The following BTF3L4 variants were observed in gnomAD, a reference collection of about 807,000 sequenced individuals.
BTF3L4 encodes basic transcription factor 3 like 4, also known as transcription factor BTF3 homolog 4.
BTF3L4 carries 6 observed loss-of-function variants against 16.8 expected under a neutral mutation model. That is an observed-to-expected ratio of 0.36 (90% CI 0.20 to 0.71). The LOEUF (loss-of-function observed/expected upper bound fraction) is 0.71, where lower values mean the gene tolerates loss of function less well. BTF3L4 is among the 30% of genes least tolerant of loss of function. BTF3L4 has a pLI of 0.58. For synonymous variants in BTF3L4, 39 were observed against 59.8 expected (o/e 0.65, Z 1.60); for missense variants, 92 against 186.9 (o/e 0.49, Z 2.96).
intron 3 of BTF3L4, among the ~76,000 whole-genome samples, chr1:52,075,477 G>C (rs1334960023): frequency 7.6e-5 from 11 of 145,608 alleles, no homozygotes; most frequent in African/African-American, 2.5e-4. Context: ...GGCCGAGATC[G>C]CACCACTACA....
chr1:52,073,187 G>A (rs1686837267), intron 3 of BTF3L4, among the ~76,000 whole-genome samples: 1 of 152,122 alleles, frequency 6.6e-6, no homozygotes, highest in African/African-American at 2.4e-5. Context: ...AGAAGGCTGA[G>A]GCAGGAGAAT....
intron 2 of BTF3L4, among the ~76,000 whole-genome samples, chr1:52,060,830 T>G (rs533859376): frequency 6.6e-6 from 1 of 152,232 alleles, no homozygotes; most frequent in African/African-American, 2.4e-5. Flanking sequence ...AACACACTCA[T>G]GTAACCACAG....
At chr1:52,078,633 A>G (rs1375712750) in intron 3 of BTF3L4, among the ~76,000 whole-genome samples, 2 of 152,220 alleles carry the variant, frequency 1.3e-5, no homozygotes, top group Non-Finnish European at 2.9e-5. Context: ...GGGAATGTGC[A>G]AGATGGAGAA....
At chr1:52,075,508 G>C (rs1165085193) in intron 3 of BTF3L4, among the ~76,000 whole-genome samples, 2 of 141,064 alleles carry the variant, frequency 1.4e-5, no homozygotes, top group Non-Finnish European at 3.0e-5. Flanking sequence ...CTGGGCAACA[G>C]AGTGAGACTA....
chr1:52,085,759 T>G (rs1463806406), intron 4 of BTF3L4, among the ~76,000 whole-genome samples: 1 of 152,050 alleles, frequency 6.6e-6, no homozygotes, highest in Admixed American at 6.6e-5. Context: ...CAGGGAGAAT[T>G]GCTTGAACTT....
chr1:52,073,231 C>G (rs1220186691), intron 3 of BTF3L4, among the ~76,000 whole-genome samples: 2 of 151,974 alleles, frequency 1.3e-5, no homozygotes, highest in Non-Finnish European at 2.9e-5. Flanking sequence ...TTGCAGTGAG[C>G]TGAGGCCATG....
intron 3 of BTF3L4, among the ~76,000 whole-genome samples, chr1:52,077,183 G>A (rs1418662040): frequency 2.0e-5 from 3 of 152,138 alleles, no homozygotes; most frequent in Non-Finnish European, 4.4e-5. Context: ...AAAAGGTATA[G>A]GAAGAAGTCA....
intron 3 of BTF3L4, among the ~76,000 whole-genome samples, chr1:52,079,453 A>T (rs1045532217): frequency 2.0e-5 from 3 of 151,890 alleles, no homozygotes; most frequent in African/African-American, 4.8e-5. Flanking sequence ...TTCTAAAATT[A>T]ACTAAACTCT....
intron 3 of BTF3L4, among the ~76,000 whole-genome samples, chr1:52,077,012 T>G (rs1040391144): frequency 6.6e-6 from 1 of 151,558 alleles, no homozygotes; most frequent in East Asian, 1.9e-4. Flanking sequence ...CTAAAGAAAA[T>G]AAAAAATTAG....
chr1:52,065,359 G>T, intron 3 of BTF3L4: 1 of 151,596 alleles, frequency 6.6e-6, no homozygotes, highest in Non-Finnish European at 1.4e-5. Context: ...TCTGCCTCCC[G>T]GGTTCAGACG....
chr1:52,056,966 CT>C (rs1206583300), intron 1 of BTF3L4, among the ~76,000 whole-genome samples: 1 of 152,216 alleles, frequency 6.6e-6, no homozygotes, highest in Non-Finnish European at 1.5e-5. Context: ...TTCCCACATT[CT>C]TGCAGTTTAC....
rs546195617 is a variant in BTF3L4 at position 52,062,673 on chromosome 1, A to G, written c.55-2152A>G. On this transcript the variant is annotated intron_variant, in intron 2 of 5. Coordinates refer to ENST00000313334, the MANE Select transcript of BTF3L4 (RefSeq NM_152265.5). ...TTAAGAAGGAAATGACTGCCATTTTAGAAAGGTAGCTGCTGGCGTTGTGGA... is the reference window on the plus strand; with the variant it reads ...TTAAGAAGGAAATGACTGCCATTTTGGAAAGGTAGCTGCTGGCGTTGTGGA... Among the ~76,000 whole-genome samples, 144 of 152,324 alleles carry G rather than the reference A, an allele frequency of 9.5e-4. 1 individual carries two copies. Among genetic ancestry groups the G allele is most frequent in the South Asian group, 4.6e-3 (22 of 4,826 alleles).
intron 3 of BTF3L4, among the ~76,000 whole-genome samples, chr1:52,070,571 A>AC (rs1450565517): frequency 1.3e-5 from 2 of 149,982 alleles, no homozygotes; most frequent in East Asian, 2.0e-4. Flanking sequence ...AAAAAAAAAA[A>AC]CAAAACTAAG....
At chr1:52,073,780 A>G (rs1054726594) in intron 3 of BTF3L4, among the ~76,000 whole-genome samples, 1 of 150,114 alleles carries the variant, frequency 6.7e-6, no homozygotes, top group African/African-American at 2.4e-5. Context: ...CAGGTGGATC[A>G]TGAGGTCAGG....
chr1:52,084,815 GA>G (rs2124448175), intron 4 of BTF3L4, among the ~76,000 whole-genome samples: 1 of 150,654 alleles, frequency 6.6e-6, no homozygotes, highest in African/African-American at 2.4e-5. Flanking sequence ...AAAGAAAAAA[GA>G]AAATAATGTT....
chr1:52,087,874 C>T lies in BTF3L4; in HGVS notation c.*1116C>T, dbSNP rs1002602776. Reference sequence around the variant, plus strand: ...CTAGGAGGATTTCCTCAACCACTCTCCTACTCTTGGCCTTGAACCTACCTC... The same window carrying T: ...CTAGGAGGATTTCCTCAACCACTCTTCTACTCTTGGCCTTGAACCTACCTC... On this transcript the variant is annotated 3_prime_UTR_variant, in exon 6 of 6. Coordinates refer to ENST00000313334, the MANE Select transcript of BTF3L4 (RefSeq NM_152265.5). The T allele has an allele frequency of 2.0e-5, 3 of 152,596 alleles. No homozygotes were observed. Among genetic ancestry groups the T allele is most frequent in the African/African-American group, 4.8e-5 (2 of 41,434 alleles). The allele number at this position is 152,596 out of a possible 1,614,324, so 9.5% of individuals were successfully genotyped here.
At position 52,077,708 on chromosome 1, in the gene BTF3L4, C is replaced by G. The variant is rs375457628; in HGVS notation, c.169-5632C>G. 3.3e-5 allele frequency among the ~76,000 whole-genome samples: 5 copies of G among 152,184 alleles called. 1 individual carries two copies. The highest frequency in any genetic ancestry group is 7.3e-5 in the Non-Finnish European group (5 of 68,038). ...TCAAATATAATTTTGTGAGCCTCCTCTAGCCACAAAAATGTACTGCAGTAT... is the reference window on the plus strand; with the variant it reads ...TCAAATATAATTTTGTGAGCCTCCTGTAGCCACAAAAATGTACTGCAGTAT... On this transcript the variant is annotated intron_variant, in intron 3 of 5. Transcript: ENST00000313334.
rs1686464181 is a variant in BTF3L4 at position 52,059,822 on chromosome 1, T to C, written c.-13-13T>C. On this transcript the variant is annotated splice_polypyrimidine_tract_variant and intron_variant, in intron 1 of 5. Transcript: ENST00000313334. Reference sequence around the variant, plus strand: ...AAAGAGTGACTTTAACAAATCTATTTTTCCCCCCCTAGATTTACCAACAGC... The same window carrying C: ...AAAGAGTGACTTTAACAAATCTATTCTTCCCCCCCTAGATTTACCAACAGC... The C allele has an allele frequency of 1.2e-6, 2 of 1,612,834 alleles. No individual in the cohort carries two copies. Among genetic ancestry groups the C allele is most frequent in the African/African-American group, 2.7e-5 (2 of 75,014 alleles).
rs1644010192 is a variant in BTF3L4 at position 52,090,640 on chromosome 1, A to G, written c.*3882A>G. The G allele has an allele frequency of 6.6e-6, 1 of 152,182 alleles. No homozygotes were observed. The highest frequency in any genetic ancestry group is 2.4e-5 in the African/African-American group (1 of 41,524). 9.4% of individuals were successfully genotyped at this position (152,182 alleles called of 1,614,324 possible). On this transcript the variant is annotated 3_prime_UTR_variant, in exon 6 of 6. Transcript: ENST00000313334. ...TCTTTTTACTTTCTCGTAGTGCCCA[A>G]TGTGTAGTTTACTCAACATCATAAT...
Sources: gnomAD v4.1 joint callset for allele counts (sites outside exome capture counted in the v4.1 genomes callset) on GRCh38, gnomAD v4.1.1 for gene constraint, MANE v1.5 for transcripts, NCBI Gene and HGNC (gene_info 2026-07-23, HGNC 2026-07-21) for gene names.